CHD5: variants seen among roughly 807,000 people sequenced by gnomAD.
CHD5 encodes chromodomain helicase DNA binding protein 5, also known as ATP-dependent chromatin remodeler CHD5.
CHD5 carries 69 observed loss-of-function variants against 230.3 expected under a neutral mutation model. The ratio of observed to expected loss-of-function variants is 0.30; its 90% CI spans 0.25 to 0.37. CHD5 has a LOEUF of 0.37. Among genes scored for constraint, CHD5 ranks in the 10% least tolerant of loss-of-function variants. The probability of loss-of-function intolerance (pLI) is 1.00; values close to 1 mark genes in which losing one functional copy is unlikely to be tolerated. For missense variants in CHD5, 1,827 were observed against 2,622.8 expected (o/e 0.70, Z 6.63); for synonymous variants, 1,064 against 1,065.9 (o/e 1.00, Z 0.03).
chr1:6,115,250 CAA>C (rs34290371), intron 33 of CHD5, among the ~76,000 whole-genome samples: 13 of 125,040 alleles, frequency 1.0e-4, no homozygotes, highest in African/African-American at 2.2e-4. Context: ...GACTCTGTCT[CAA>C]AAAAAAAAAA....
intron 33 of CHD5, among the ~76,000 whole-genome samples, chr1:6,114,073 C>G (rs927120559): frequency 6.6e-6 from 1 of 152,116 alleles, no homozygotes; most frequent in African/African-American, 2.4e-5. Flanking sequence ...TATGGTGAAA[C>G]CCCGTCTCTA....
At chr1:6,147,902 GT>G (rs1476092684) in intron 9 of CHD5, among the ~76,000 whole-genome samples, 1 of 152,066 alleles carries the variant, frequency 6.6e-6, no homozygotes, top group Non-Finnish European at 1.5e-5. Flanking sequence ...TCTTGGGGGA[GT>G]GGAAGAGGGG....
At chr1:6,106,855 G>A (rs1666178937) in intron 38 of CHD5, 76 bp from the exon 39 acceptor site, 5 of 534,520 alleles carry the variant, frequency 9.4e-6, no homozygotes, top group South Asian at 1.8e-5. Context: ...AGGATGGAGG[G>A]ATGGAGGGGT....
Position 6,121,354 on chromosome 1 carries a change from C to T in CHD5, c.4780-117G>A. 2 of 1,496,128 alleles carry T rather than the reference C, an allele frequency of 1.3e-6. No homozygotes were observed. Among genetic ancestry groups the T allele is most frequent in the Non-Finnish European group, 1.8e-6 (2 of 1,096,114 alleles). 92.7% of individuals were successfully genotyped at this position (1,496,128 alleles called of 1,614,324 possible). On this transcript the variant is annotated intron_variant, in intron 32 of 41. Coordinates refer to ENST00000262450, the MANE Select transcript of CHD5 (RefSeq NM_015557.3). The surrounding 1 kb of genome is among the most constrained non-coding windows in gnomAD (Gnocchi z 4.5). ...CTGGCTCCCGTCGCTTGCTCCTAGCCTGCTCCCCGCCGATTCAGAGCCCCG... is the reference window on the plus strand; with the variant it reads ...CTGGCTCCCGTCGCTTGCTCCTAGCTTGCTCCCCGCCGATTCAGAGCCCCG...
intron 2 of CHD5, among the ~76,000 whole-genome samples, chr1:6,161,324 G>A (rs1310704380): frequency 2.6e-5 from 4 of 152,168 alleles, no homozygotes; most frequent in Non-Finnish European, 5.9e-5. Context: ...TGGAGGGGGA[G>A]ACGGTCACTG....
intron 7 of CHD5, among the ~76,000 whole-genome samples, chr1:6,149,940 GA>G (rs758958471): frequency 6.7e-6 from 1 of 150,144 alleles, no homozygotes; most frequent in Non-Finnish European, 1.5e-5. Context: ...TGGATATATG[GA>G]TAAACCAAAT....
rs112620210 is a variant in CHD5 at position 6,161,185 on chromosome 1, C to CG, written c.208-1671dup. 3.9e-5 allele frequency among the ~76,000 whole-genome samples: 6 copies of CG among 152,158 alleles called. No individual in the cohort carries two copies. The East Asian group carries it at 9.7e-4, about 25-fold the overall frequency. On this transcript the variant is annotated intron_variant, in intron 2 of 41. Transcript: ENST00000262450. The stretch of plus-strand genomic sequence containing the variant: ...AAAGAGAATGAGGAGGCAGCAAAGG[C>CG]GGGGGGCCTCCCTGGATAGTCTTGG...
intron 6 of CHD5, 139 bp downstream of exon 6, chr1:6,152,273 G>C: frequency 3.4e-6 from 3 of 890,956 alleles, no homozygotes; most frequent in Non-Finnish European, 5.1e-6. Flanking sequence ...ATGTAGGATG[G>C]AAGGAGAATA....
intron 3 of CHD5, among the ~76,000 whole-genome samples, chr1:6,159,006 CAAA>C (rs35569300): frequency 3.1e-5 from 2 of 63,636 alleles, no homozygotes; most frequent in African/African-American, 8.3e-5. Context: ...GACTCCGTCT[CAAA>C]AAAAAAAAAA....
chr1:6,148,824 C>A, intron 9 of CHD5, 30 bp downstream of exon 9: 3 of 1,422,210 alleles, frequency 2.1e-6, no homozygotes, highest in Non-Finnish European at 2.8e-6. Context: ...TGGGGCGGGG[C>A]GTCCGGCGCG....
rs1557551264 is a variant in CHD5 at position 6,143,830 on chromosome 1, A to G, written c.2036T>C (p.Ile679Thr). The G allele has an allele frequency of 6.2e-7, 1 of 1,611,364 alleles. No homozygotes were observed. The highest frequency in any genetic ancestry group is 1.1e-5 in the South Asian group (1 of 90,986). The change falls in exon 13 of 42, where the codon ATT becomes ACT. Residue 679 changes from isoleucine to threonine, a missense_variant. Ile to Thr is a moderately conservative substitution (Grantham distance 89). Coordinates refer to ENST00000262450, the MANE Select transcript of CHD5 (RefSeq NM_015557.3). ...CCCACCCTCCCCACTCACGTCCACA[A>G]TGGGCGTGTCCGGCGGCTTCTCCTG... ...DKQEKPPDTP[I>T]VDPTVKFDKQ...
intron 15 of CHD5, among the ~76,000 whole-genome samples, chr1:6,141,063 C>T (rs893547257): frequency 3.2e-4 from 48 of 151,240 alleles, no homozygotes; most frequent in African/African-American, 1.0e-3. Context: ...GCAGGCAGAT[C>T]GCCTGAACTT....
rs2100850955 is a variant in CHD5 at position 6,134,654 on chromosome 1, G to A, written c.3012+64C>T. 1 of 1,511,558 alleles carries A rather than the reference G, an allele frequency of 6.6e-7. No homozygotes were observed. Among genetic ancestry groups the A allele is most frequent in the South Asian group, 1.2e-5 (1 of 86,926 alleles). The allele number at this position is 1,511,558 out of a possible 1,614,324, so 93.6% of individuals were successfully genotyped here. A position where few individuals can be genotyped will look rare whatever the true frequency, so the allele number is the denominator to read the frequency against. ...CACAGCGGCCACAGGGACCTACCATGGCGGCCACAGGCACCTACCATGGCG... is the reference window on the plus strand; with the variant it reads ...CACAGCGGCCACAGGGACCTACCATAGCGGCCACAGGCACCTACCATGGCG... On this transcript the variant is annotated intron_variant, in intron 19 of 41. Coordinates refer to ENST00000262450, the MANE Select transcript of CHD5 (RefSeq NM_015557.3). The surrounding 1 kb of genome is among the most constrained non-coding windows in gnomAD (Gnocchi z 6.3).
intron 2 of CHD5, among the ~76,000 whole-genome samples, chr1:6,165,427 A>G (rs988993528): frequency 1.3e-5 from 2 of 152,106 alleles, no homozygotes; most frequent in African/African-American, 4.8e-5. Context: ...GGCCCAGGTG[A>G]CACTGCCCCT....
intron 5 of CHD5, among the ~76,000 whole-genome samples, chr1:6,153,827 T>TCAAAACAAAACAAAACAAAA (rs111886993): frequency 9.2e-5 from 14 of 151,686 alleles, no homozygotes; most frequent in African/African-American, 3.2e-4. Flanking sequence ...TGAGAGTCTG[T>TCAAAACAAAACAAAACAAAA]CAAAACAAAA....
In CHD5 at chr1:6,155,776, T is replaced by C. The variant is rs528405647; in HGVS notation, c.388-59A>G. The C allele has an allele frequency of 2.3e-6, 3 of 1,327,756 alleles. No individual in the cohort carries two copies. The highest frequency in any genetic ancestry group is 1.5e-5 in the African/African-American group (1 of 68,504). The allele number at this position is 1,327,756 out of a possible 1,614,324, so 82.2% of individuals were successfully genotyped here. A position where few individuals can be genotyped will look rare whatever the true frequency, so the allele number is the denominator to read the frequency against. On this transcript the variant is annotated intron_variant, in intron 3 of 41. Coordinates refer to ENST00000262450, the MANE Select transcript of CHD5 (RefSeq NM_015557.3). This position sits in a 1 kb window ranked among gnomAD's most constrained non-coding sequence, Gnocchi z 4.0. The stretch of plus-strand genomic sequence containing the variant: ...AGGGGCCTTCTGACCTGCACCCCCA[T>C]CCCCAGGGTCTCTGCCTAGGAGGCT...
intron 11 of CHD5, among the ~76,000 whole-genome samples, chr1:6,145,309 T>C (rs1451571620): frequency 6.6e-6 from 1 of 152,192 alleles, no homozygotes; most frequent in African/African-American, 2.4e-5. Context: ...TAACCTCTGC[T>C]CTACCCAACA....
At chr1:6,178,208 T>A (rs1201813340) in intron 1 of CHD5, among the ~76,000 whole-genome samples, 1 of 151,736 alleles carries the variant, frequency 6.6e-6, no homozygotes, top group Non-Finnish European at 1.5e-5. Flanking sequence ...GGAGCACGGG[T>A]GGTGGGCAGG....
In CHD5 at chr1:6,129,398, G is replaced by T. The variant is rs1309598926; in HGVS notation, c.3388-329C>A. ...CTGAAGCCACACAGAGCTTCGTGGG[G>T]GCCACGGGGAGGTAGGAGGCTGCAT... is the stretch of plus-strand genomic sequence containing the variant. On this transcript the variant is annotated intron_variant, in intron 22 of 41. Coordinates refer to ENST00000262450, the MANE Select transcript of CHD5 (RefSeq NM_015557.3). The surrounding 1 kb of genome is among the most constrained non-coding windows in gnomAD (Gnocchi z 6.8). Among the ~76,000 whole-genome samples, 1 of 152,178 alleles carries T rather than the reference G, an allele frequency of 6.6e-6. No homozygotes were observed. The highest frequency in any genetic ancestry group is 1.5e-5 in the Non-Finnish European group (1 of 68,032).
Sources: allele counts gnomAD v4.1 joint callset (sites outside exome capture counted in the v4.1 genomes callset), GRCh38; gene constraint gnomAD v4.1.1; non-coding constraint Gnocchi (gnomAD v3.1); transcripts MANE v1.5; gene names NCBI Gene and HGNC (gene_info 2026-07-23, HGNC 2026-07-21).